The following TSGA10 variants were observed in gnomAD, a reference collection of about 807,000 sequenced individuals.
TSGA10 encodes the protein testis specific 10.
A neutral mutation model predicts 96.6 loss-of-function variants in TSGA10; 43 were observed. That is an observed-to-expected ratio of 0.44 (90% CI 0.35 to 0.57). TSGA10 has a LOEUF of 0.57. TSGA10 is among the 20% of genes least tolerant of loss of function. The pLI is 0.01. For missense variants in TSGA10, 703 were observed against 834.4 expected, an observed-to-expected ratio of 0.84 and a Z score of 1.94; for synonymous variants, 229 against 269.9, an observed-to-expected ratio of 0.85 and a Z score of 1.48.
intron 9 of TSGA10, 25 bp downstream of exon 9, chr2:99,105,334 G>T (rs1164985001): frequency 6.6e-7 from 1 of 1,506,124 alleles, no homozygotes; most frequent in East Asian, 2.3e-5. Flanking sequence ...AGCCAAAAGA[G>T]ACTTTTCTTT....
intron 10 of TSGA10, among the ~76,000 whole-genome samples, chr2:99,098,325 G>C (rs1385737427): frequency 6.6e-6 from 1 of 151,030 alleles, no homozygotes; most frequent in Non-Finnish European, 1.5e-5. Flanking sequence ...TGTAGTCCCA[G>C]TTACTTGGGA....
At chr2:99,100,737 G>A (rs2090602185) in intron 10 of TSGA10, among the ~76,000 whole-genome samples, 1 of 149,286 alleles carries the variant, frequency 6.7e-6, no homozygotes. Flanking sequence ...GGAGAATGGT[G>A]TGAACCCCGG....
chr2:99,121,511 T>C (rs908771049), intron 2 of TSGA10, among the ~76,000 whole-genome samples: 2 of 1,126 alleles, frequency 1.8e-3, no homozygotes, highest in African/African-American at 6.8e-3. Flanking sequence ...AATCTCATTC[T>C]CACCCAGGCT....
intron 16 of TSGA10, among the ~76,000 whole-genome samples, chr2:99,050,450 C>G (rs566053387): frequency 6.6e-6 from 1 of 152,002 alleles, no homozygotes; most frequent in African/African-American, 2.4e-5. Flanking sequence ...GAAAAAAATC[C>G]AAAATCTGAA....
At chr2:99,086,366 C>T (rs528542552) in intron 10 of TSGA10, among the ~76,000 whole-genome samples, 1 of 152,208 alleles carries the variant, frequency 6.6e-6, no homozygotes, top group South Asian at 2.1e-4. Context: ...TAATCAAATC[C>T]AACCAAATCA....
chr2:99,039,801 G>A (rs993113465), intron 16 of TSGA10, among the ~76,000 whole-genome samples: 1 of 151,946 alleles, frequency 6.6e-6, no homozygotes, highest in Non-Finnish European at 1.5e-5. Context: ...ACCAAAACTA[G>A]GAAAGGACAT....
At position 99,117,607 on chromosome 2, in the gene TSGA10, C is replaced by T. The variant is rs2092347396; in HGVS notation, c.-203G>A. The T allele has an allele frequency of 1.3e-5, 13 of 985,786 alleles. No homozygotes were observed. The South Asian group carries it at 5.6e-4, about 43-fold the overall frequency. The allele number at this position is 985,786 out of a possible 1,614,324, so 61.1% of individuals were successfully genotyped here. ...CAAAATTTTTCTCTTTTTCGAGTTG[C>T]TCTGCTAGTTGGTCAATTTTAATCA... On this transcript the variant is annotated 5_prime_UTR_variant, in exon 4 of 21. Transcript: ENST00000393483.
intron 2 of TSGA10, chr2:99,126,845 G>A (rs946849231): frequency 3.1e-6 from 1 of 318,028 alleles, no homozygotes; most frequent in African/African-American, 2.3e-5. Flanking sequence ...GAAAACATCT[G>A]ACACAACACT....
rs778910718 is a variant in TSGA10 at position 99,105,380 on chromosome 2, C to A, written c.438G>T (p.Glu146Asp). Residue 146 changes from glutamate (E) to aspartate (D), a missense_variant, in exon 9 of 21, where the codon GAG (glutamate) becomes GAT (aspartate). Physicochemically the swap from Glu to Asp is conservative, Grantham distance 45. This residue lies in a region of TSGA10 where 585 missense variants were observed against 656.8 expected (regional missense o/e 0.89). Transcript: ENST00000393483. ...TTACATTATGAACTGTACACTCCAGCTCCTCTATCCTTTGTTCCAGGTGAG... is the reference window on the plus strand; with the variant it reads ...TTACATTATGAACTGTACACTCCAGATCCTCTATCCTTTGTTCCAGGTGAG... ...EKAHLEQRIE[E>D]LECTVHNLDD... 27 of 1,611,718 alleles carry A rather than the reference C, an allele frequency of 1.7e-5. No homozygotes were observed. Among genetic ancestry groups the A allele is most frequent in the Non-Finnish European group, 7.6e-6 (9 of 1,179,640 alleles).
intron 18 of TSGA10, among the ~76,000 whole-genome samples, chr2:99,019,381 C>T (rs2079813855): frequency 6.6e-6 from 1 of 152,166 alleles, no homozygotes; most frequent in African/African-American, 2.4e-5. Context: ...AGGTAGATTT[C>T]CACCTACCAT....
At chr2:99,121,989 G>C (rs528190483) in intron 2 of TSGA10, among the ~76,000 whole-genome samples, 1 of 152,028 alleles carries the variant, frequency 6.6e-6, no homozygotes, top group Admixed American at 6.5e-5. Context: ...TGTTTTCCCT[G>C]TATCTAAATG....
chr2:99,150,616 A>G lies in TSGA10; in HGVS notation c.-621+4077T>C, dbSNP rs775189108. ...GGTATCTGCTATACATATGGATTCAAAAGTGGATGATCACTTAATACGAGG... is the reference window on the plus strand; with the variant it reads ...GGTATCTGCTATACATATGGATTCAGAAGTGGATGATCACTTAATACGAGG... On this transcript the variant is annotated intron_variant, in intron 1 of 20. Transcript: ENST00000393483. 2.5e-6 allele frequency: 4 copies of G among 1,614,106 alleles called. No individual in the cohort carries two copies. The African/African-American group carries it at 4.0e-5, about 16-fold the overall frequency.
intron 20 of TSGA10, among the ~76,000 whole-genome samples, chr2:99,002,488 C>T (rs531640039): frequency 1.3e-4 from 20 of 152,266 alleles, no homozygotes; most frequent in African/African-American, 4.6e-4. Context: ...GAAGGAAGCA[C>T]TAAACATGGA....
chr2:99,147,893 C>G (rs1484958660), intron 1 of TSGA10, among the ~76,000 whole-genome samples: 1 of 152,154 alleles, frequency 6.6e-6, no homozygotes, highest in Non-Finnish European at 1.5e-5. Flanking sequence ...AGAACAAGGA[C>G]ATTGACTTAT....
At chr2:99,029,194 T>C (rs1251508025) in intron 17 of TSGA10, among the ~76,000 whole-genome samples, 1 of 152,166 alleles carries the variant, frequency 6.6e-6, no homozygotes, top group Non-Finnish European at 1.5e-5. Context: ...TCAAAAATTA[T>C]ATGAGATTCT....
At chr2:99,019,836 T>C (rs1043052811) in intron 18 of TSGA10, among the ~76,000 whole-genome samples, 4 of 152,142 alleles carry the variant, frequency 2.6e-5, no homozygotes, top group African/African-American at 9.7e-5. Flanking sequence ...GAAGCCAAAA[T>C]CAATGTCCTG....
chr2:99,043,683 G>A (rs1115757), intron 16 of TSGA10, among the ~76,000 whole-genome samples: 65,997 of 151,934 alleles, frequency 0.43, 16,999 homozygotes, highest in African/African-American at 0.72. Flanking sequence ...TTAACAACTG[G>A]CTTCTAAGCA....
At position 99,105,542 on chromosome 2, in the gene TSGA10, T is replaced by G; in HGVS notation, c.366A>C (p.Leu122=). The change falls in exon 8 of 21, where the codon CTA becomes CTC. Residue 122 remains leucine (L), a synonymous_variant. Coordinates refer to ENST00000393483, the MANE Select transcript of TSGA10 (RefSeq NM_025244.4). Reference sequence around the variant, plus strand: ...CCTTTCCAACCTTTAGCCTCTCCCTTAGACTATCTCGTTCTGTGGTCATTC... The same window carrying G: ...CCTTTCCAACCTTTAGCCTCTCCCTGAGACTATCTCGTTCTGTGGTCATTC... ...LRRMTTERDS[L]RERLKIAQET... is the part of the protein sequence containing the mutation. 1 of 1,613,156 alleles carries G rather than the reference T, an allele frequency of 6.2e-7. No homozygotes were observed. Among genetic ancestry groups the G allele is most frequent in the Non-Finnish European group, 8.5e-7 (1 of 1,179,126 alleles).
chr2:99,009,323 C>A (rs949488595), intron 20 of TSGA10, among the ~76,000 whole-genome samples: 12 of 152,048 alleles, frequency 7.9e-5, no homozygotes, highest in African/African-American at 2.9e-4. Flanking sequence ...GGAAGAACTG[C>A]AAACAGATTC....
Sources: allele counts gnomAD v4.1 joint callset (sites outside exome capture counted in the v4.1 genomes callset), GRCh38; gene constraint gnomAD v4.1.1; regional missense constraint gnomAD v4.1.1; transcripts MANE v1.5; gene names NCBI Gene and HGNC (gene_info 2026-07-23, HGNC 2026-07-21).